Variants in EDA observed in about 807,000 individuals in gnomAD.
EDA encodes the protein ectodysplasin A, also known as ectodysplasin-A.
A neutral mutation model predicts 23.6 loss-of-function variants in EDA; 2 were observed. The observed-to-expected ratio is 0.08, with a 90% CI of 0.03 to 0.27. The LOEUF (loss-of-function observed/expected upper bound fraction) is 0.27. Among genes scored for constraint, EDA ranks in the 10% least tolerant of loss-of-function variants. The probability of loss-of-function intolerance (pLI) is 1.00; values close to 1 mark genes in which losing one functional copy is unlikely to be tolerated. For synonymous variants in EDA, 131 were observed against 132.0 expected, an observed-to-expected ratio of 0.99 and a Z score of 0.05; for missense variants, 229 against 324.2, an observed-to-expected ratio of 0.71 and a Z score of 2.26.
Position 69,903,571 on chromosome X carries a change from C to A in EDA, c.397-53456C>A, listed in dbSNP as rs1602522256. Among the ~76,000 whole-genome samples, 5 of 97,870 alleles carry A rather than the reference C, an allele frequency of 5.1e-5. No individual in the cohort carries two copies. The South Asian group carries it at 2.5e-3, about 48-fold the overall frequency. 85.0% of individuals were successfully genotyped at this position (97,870 alleles called of 115,157 possible). A position where few individuals can be genotyped will look rare whatever the true frequency, so the allele number is the denominator to read the frequency against. ...ACACTCCATCATCACCCCTACCAGG[C>A]CCCCTCCGCACACACACACACATAA... On this transcript the variant is annotated intron_variant, in intron 1 of 7. Coordinates refer to ENST00000374552, the MANE Select transcript of EDA (RefSeq NM_001399.5).
chrX:69,890,782 TTAACTA>T (rs1320381415), intron 1 of EDA, among the ~76,000 whole-genome samples: 1 of 111,409 alleles, frequency 9.0e-6, no homozygotes, highest in Non-Finnish European at 1.9e-5. Flanking sequence ...ATGTAAAACT[TTAACTA>T]TAAAACCCCT....
At chrX:69,936,556 A>G (rs142693723) in intron 1 of EDA, among the ~76,000 whole-genome samples, 91 of 112,080 alleles carry the variant, frequency 8.1e-4, no homozygotes, top group African/African-American at 2.8e-3. Context: ...TGCACAATAA[A>G]TGTGCTACAT....
At chrX:69,860,296 T>C (rs934499660) in intron 1 of EDA, among the ~76,000 whole-genome samples, 1 of 111,673 alleles carries the variant, frequency 9.0e-6, no homozygotes, top group African/African-American at 3.3e-5. Context: ...TTTTTCAGAC[T>C]TGATTATGTG....
Position 69,616,319 on chromosome X carries a change from C to A in EDA, c.11C>A (p.Pro4Gln). The A allele has an allele frequency of 8.4e-7, 1 of 1,196,304 alleles. No individual in the cohort carries two copies. Among genetic ancestry groups the A allele is most frequent in the Non-Finnish European group, 1.1e-6 (1 of 891,674 alleles). ...GTGTCTCCGGAGGCCATGGGCTACCCGGAGGTGGAGCGCAGGGAACTCCTG... is the reference window on the plus strand; with the variant it reads ...GTGTCTCCGGAGGCCATGGGCTACCAGGAGGTGGAGCGCAGGGAACTCCTG... MGY[P>Q]EVERRELLPA... is the part of the protein sequence containing the mutation. The change falls in exon 1 of 8, where the codon CCG (proline) becomes CAG (glutamine). Residue 4 changes from proline (P) to glutamine (Q), a missense_variant. By Grantham distance (76) the Pro-to-Gln change is moderately conservative. Transcript: ENST00000374552.
chrX:69,963,875 A>T (rs565334300), intron 2 of EDA, among the ~76,000 whole-genome samples: 10 of 111,974 alleles, frequency 8.9e-5, no homozygotes, highest in African/African-American at 3.2e-4. Flanking sequence ...TACAAAAATG[A>T]TACATATATT....
Position 70,035,612 on chromosome X carries a change from T to TC in EDA, c.*9dup. On this transcript the variant is annotated 3_prime_UTR_variant, in exon 8 of 8. Transcript: ENST00000374552. ...TGGGTGAAGCCCCTGCATCCTAGAT[T>TC]CCCCCCATTTTGCCTCTGTCCGTGC... is the stretch of plus-strand genomic sequence containing the variant. The TC allele has an allele frequency of 8.3e-7, 1 of 1,206,323 alleles. No individual in the cohort carries two copies.
At chrX:69,890,444 A>G (rs1044211419) in intron 1 of EDA, among the ~76,000 whole-genome samples, 1 of 111,241 alleles carries the variant, frequency 9.0e-6, no homozygotes, top group Non-Finnish European at 1.9e-5. Context: ...AGCAAAAAGA[A>G]CAAAGCTAGA....
chrX:70,035,477 C>T lies in EDA; in HGVS notation c.1044C>T (p.Thr348=), dbSNP rs146627381. ...TGKTNYNTCY[T]AGVCLLKARQ... is the part of the protein sequence containing the mutation. The stretch of plus-strand genomic sequence containing the variant: ...AGACCAACTACAACACTTGCTATAC[C>T]GCAGGCGTCTGCCTCCTCAAGGCCC... The change falls in exon 8 of 8, where the codon ACC becomes ACT. Residue 348 remains threonine, a synonymous_variant. Transcript: ENST00000374552. The T allele has an allele frequency of 2.5e-6, 3 of 1,210,638 alleles. No individual in the cohort carries two copies. The highest frequency in any genetic ancestry group is 3.5e-5 in the South Asian group (2 of 56,875).
At chrX:69,737,071 C>T (rs938423749) in intron 1 of EDA, among the ~76,000 whole-genome samples, 2 of 111,124 alleles carry the variant, frequency 1.8e-5, no homozygotes, top group African/African-American at 3.3e-5. Context: ...TGTACCCAGC[C>T]GAGCTTACTC....
intron 1 of EDA, among the ~76,000 whole-genome samples, chrX:69,904,609 C>T (rs768096049): frequency 3.6e-5 from 4 of 112,307 alleles, no homozygotes; most frequent in South Asian, 3.7e-4. Context: ...TTCGGCCTTC[C>T]GAAGTGTTGG....
intron 1 of EDA, among the ~76,000 whole-genome samples, chrX:69,951,486 A>G (rs1293621609): frequency 8.9e-6 from 1 of 111,972 alleles, no homozygotes; most frequent in Non-Finnish European, 1.9e-5. Context: ...GAGATTTATT[A>G]GGGCCTATTA....
chrX:69,805,219 G>T (rs921154160), intron 1 of EDA, among the ~76,000 whole-genome samples: 1 of 111,079 alleles, frequency 9.0e-6, no homozygotes, highest in Non-Finnish European at 1.9e-5. Context: ...TGAAATTAAG[G>T]AACACTGGTT....
chrX:69,832,652 T>A (rs1187441829), intron 1 of EDA, among the ~76,000 whole-genome samples: 2 of 111,868 alleles, frequency 1.8e-5, no homozygotes, highest in Non-Finnish European at 3.8e-5. Context: ...TTCACAATAT[T>A]GATTCTTCCT....
At chrX:69,951,468 AAG>A (rs1602559990) in intron 1 of EDA, among the ~76,000 whole-genome samples, 1 of 111,831 alleles carries the variant, frequency 8.9e-6, no homozygotes, top group African/African-American at 3.2e-5. Flanking sequence ...TTATTCTTTC[AAG>A]AGAGTGAGAT....
At chrX:69,776,967 A>G (rs2014804715) in intron 1 of EDA, among the ~76,000 whole-genome samples, 1 of 111,586 alleles carries the variant, frequency 9.0e-6, no homozygotes, top group South Asian at 3.7e-4. Context: ...ACAGTTTTAA[A>G]ACTATTTAAG....
chrX:69,622,461 C>A (rs949026991), intron 1 of EDA, among the ~76,000 whole-genome samples: 1 of 112,172 alleles, frequency 8.9e-6, no homozygotes, highest in Non-Finnish European at 1.9e-5. Context: ...TCTCAGAAGA[C>A]TGATGAGGTT....
intron 1 of EDA, among the ~76,000 whole-genome samples, chrX:69,684,537 G>A (rs1934480289): frequency 1.8e-5 from 2 of 111,885 alleles, no homozygotes; most frequent in South Asian, 7.4e-4. Context: ...ATGGTGTTGT[G>A]TATAAAGTAA....
At chrX:69,656,768 C>G in intron 1 of EDA, among the ~76,000 whole-genome samples, 1 of 111,632 alleles carries the variant, frequency 9.0e-6, no homozygotes, top group Non-Finnish European at 1.9e-5. Flanking sequence ...TCTGTTCCTG[C>G]ATTAGTTTGC....
At chrX:69,730,323 G>A (rs994386893) in intron 1 of EDA, among the ~76,000 whole-genome samples, 5 of 110,845 alleles carry the variant, frequency 4.5e-5, no homozygotes, top group Non-Finnish European at 9.4e-5. Context: ...CATCCTGGAG[G>A]AGATGAACCT....
Sources: gnomAD v4.1 joint callset for allele counts (sites outside exome capture counted in the v4.1 genomes callset) on GRCh38, gnomAD v4.1.1 for gene constraint, MANE v1.5 for transcripts, NCBI Gene and HGNC (gene_info 2026-07-23, HGNC 2026-07-21) for gene names.